ACADSB: variants seen among roughly 807,000 people sequenced by gnomAD.
ACADSB encodes the protein acyl-CoA dehydrogenase short/branched chain.
A neutral mutation model predicts 54.1 loss-of-function variants in ACADSB; 40 were observed. The observed-to-expected ratio is 0.74, with a 90% CI of 0.57 to 0.96. ACADSB has a LOEUF of 0.96. Ranked by LOEUF, ACADSB falls within the 40% of genes least tolerant of loss-of-function variation. ACADSB has a pLI of 0.00. For synonymous variants in ACADSB, 182 were observed against 182.8 expected, an observed-to-expected ratio of 1.00 and a Z score of 0.03; for missense variants, 530 against 510.4, an observed-to-expected ratio of 1.04 and a Z score of -0.37.
rs564396593 is a variant in ACADSB, at chr10:123,046,726, C to G, written c.901-483C>G. 7.2e-4 allele frequency among the ~76,000 whole-genome samples: 110 copies of G among 152,290 alleles called. No homozygotes were observed. The South Asian group carries it at 0.02, about 28-fold the overall frequency. On this transcript the variant is annotated intron_variant, in intron 7 of 10. Transcript: ENST00000358776. ...GTTCTAATGCCCTCCCATTGAAGCT[C>G]TCATTAATCCTAATCATATACAAAA...
intron 1 of ACADSB, among the ~76,000 whole-genome samples, chr10:123,027,959 C>T (rs1282306521): frequency 6.6e-6 from 1 of 152,166 alleles, no homozygotes; most frequent in Non-Finnish European, 1.5e-5. Context: ...CCCAGGAGCT[C>T]ATCTGATTAG....
rs375077887 is a variant in ACADSB at position 123,048,224 on chromosome 10, C to T, written c.990+926C>T. On this transcript the variant is annotated intron_variant, in intron 8 of 10. Coordinates refer to ENST00000358776, the MANE Select transcript of ACADSB (RefSeq NM_001609.4). The stretch of plus-strand genomic sequence containing the variant: ...TTTATAATAATGACTAGGCATCCTA[C>T]GAGCACACTCAGATTGCACATGTGT... 3.8e-4 allele frequency among the ~76,000 whole-genome samples: 58 copies of T among 152,294 alleles called. 1 individual carries two copies. In the South Asian group the frequency reaches 6.2e-3, roughly 16 times the overall value.
chr10:123,030,301 G>A (rs571919387), intron 1 of ACADSB, among the ~76,000 whole-genome samples: 32 of 152,198 alleles, frequency 2.1e-4, no homozygotes, highest in African/African-American at 6.7e-4. Context: ...CGAGATGGGC[G>A]GATCACTTGA....
chr10:123,043,246 A>G lies in ACADSB; in HGVS notation c.807+75A>G, dbSNP rs1850499809. On this transcript the variant is annotated intron_variant, in intron 6 of 10. Coordinates refer to ENST00000358776, the MANE Select transcript of ACADSB (RefSeq NM_001609.4). ...CATGGAACCACAGGAGGTGTGCAAGACAGGTGTCAAAATACTAAGTGGCTA... is the reference window on the plus strand; with the variant it reads ...CATGGAACCACAGGAGGTGTGCAAGGCAGGTGTCAAAATACTAAGTGGCTA... 4.4e-6 allele frequency: 7 copies of G among 1,581,070 alleles called. No individual in the cohort carries two copies. The South Asian group carries it at 7.8e-5, about 18-fold the overall frequency.
intron 10 of ACADSB, 148 bp from the exon 11 acceptor site, chr10:123,053,547 C>T (rs1589746816): frequency 1.3e-6 from 1 of 755,862 alleles, no homozygotes; most frequent in East Asian, 2.4e-5. Flanking sequence ...GTCAAAATTA[C>T]TGTGAAATAG....
At chr10:123,044,553 G>C (rs1589743081) in intron 7 of ACADSB, 68 bp downstream of exon 7, 1 of 1,253,490 alleles carries the variant, frequency 8.0e-7, no homozygotes, top group African/African-American at 1.5e-5. Context: ...AATGCAATGA[G>C]ACCAATGAAT....
chr10:123,011,948 T>G (rs886527202), intron 1 of ACADSB, among the ~76,000 whole-genome samples: 1 of 152,050 alleles, frequency 6.6e-6, no homozygotes, highest in Non-Finnish European at 1.5e-5. Flanking sequence ...AACTCCTGGC[T>G]CAAGTGATTC....
rs567728890 is a variant in ACADSB at position 123,032,462 on chromosome 10, TAGTTGACACA to T, written c.43-1893_43-1884del. Among the ~76,000 whole-genome samples the T allele has an allele frequency of 3.9e-5, 6 of 152,228 alleles. No homozygotes were observed. The South Asian group carries it at 1.2e-3, about 32-fold the overall frequency. ...TTCATGAGCATTTTGTGAAGAAGCC[TAGTTGACACA>T]TTCTTTCATTCATTCAAATATATAT... On this transcript the variant is annotated intron_variant, in intron 1 of 10. Coordinates refer to ENST00000358776, the MANE Select transcript of ACADSB (RefSeq NM_001609.4).
chr10:123,044,472 G>A lies in ACADSB; in HGVS notation c.887G>A (p.Gly296Glu). Residue 296 changes from glycine (G) to glutamate (E), a missense_variant, in exon 7 of 11, where the codon GGA becomes GAA. Physicochemically the swap from Gly to Glu is moderately conservative, Grantham distance 98 (BLOSUM62 -2). Transcript: ENST00000358776. ...GGGAGTCTCAATGAAGGTAGAATAG[G>A]AATTGCTGCACAGGTAAGTCAGATT... ...AIGSLNEGRI[G>E]IAAQMLGLAQ... 1.2e-6 allele frequency: 2 copies of A among 1,612,680 alleles called. No individual in the cohort carries two copies. Among genetic ancestry groups the A allele is most frequent in the Non-Finnish European group, 1.7e-6 (2 of 1,178,730 alleles).
intron 8 of ACADSB, among the ~76,000 whole-genome samples, chr10:123,047,808 C>G (rs772954916): frequency 1.3e-5 from 2 of 152,332 alleles, no homozygotes; most frequent in South Asian, 2.1e-4. Flanking sequence ...CTATTCAGAC[C>G]AGAACCATGT....
chr10:123,032,075 G>T (rs1850334852), intron 1 of ACADSB, among the ~76,000 whole-genome samples: 1 of 152,102 alleles, frequency 6.6e-6, no homozygotes, highest in South Asian at 2.1e-4. Flanking sequence ...TGCCGCTGGG[G>T]TTCAAGCAAT....
chr10:123,047,361 C>T lies in ACADSB; in HGVS notation c.990+63C>T, dbSNP rs766757523. The T allele has an allele frequency of 2.4e-5, 29 of 1,187,354 alleles. No homozygotes were observed. The African/African-American group carries it at 4.4e-4, about 18-fold the overall frequency. The allele number at this position is 1,187,354 out of a possible 1,614,324, so 73.6% of individuals were successfully genotyped here. A position where few individuals can be genotyped will look rare whatever the true frequency, so the allele number is the denominator to read the frequency against. ...TCCCCAGCTTCCTGTTAATGAAGGG[C>T]TGTGTTGAAATCCATGGAGGGAATC... On this transcript the variant is annotated intron_variant, in intron 8 of 10. Coordinates refer to ENST00000358776, the MANE Select transcript of ACADSB (RefSeq NM_001609.4).
At chr10:123,035,876 A>G (rs563506694) in intron 2 of ACADSB, among the ~76,000 whole-genome samples, 41 of 152,294 alleles carry the variant, frequency 2.7e-4, no homozygotes, top group African/African-American at 8.9e-4. Context: ...GTTTCACCAG[A>G]AAGAGCCCCA....
At chr10:123,037,108 G>C (rs535925962) in intron 2 of ACADSB, among the ~76,000 whole-genome samples, 13 of 152,330 alleles carry the variant, frequency 8.5e-5, no homozygotes, top group African/African-American at 2.9e-4. Context: ...CAACTTAGAA[G>C]TAGGGGACGC....
At chr10:123,013,537 G>T (rs1850068155) in intron 1 of ACADSB, among the ~76,000 whole-genome samples, 1 of 152,262 alleles carries the variant, frequency 6.6e-6, no homozygotes, top group South Asian at 2.1e-4. Flanking sequence ...ATGGGACTGG[G>T]TGCAGTGGAG....
At chr10:123,017,606 C>T (rs1331668931) in intron 1 of ACADSB, among the ~76,000 whole-genome samples, 1 of 152,242 alleles carries the variant, frequency 6.6e-6, no homozygotes. Context: ...GTGTGAGCCA[C>T]CTCACCGGGT....
chr10:123,034,998 G>A (rs1472172118), intron 2 of ACADSB, among the ~76,000 whole-genome samples: 1 of 150,232 alleles, frequency 6.7e-6, no homozygotes, highest in East Asian at 2.0e-4. Flanking sequence ...CACCCAGGCT[G>A]GAGTGCAGTG....
chr10:123,049,006 G>A lies in ACADSB; in HGVS notation c.990+1708G>A, dbSNP rs533413105. Among the ~76,000 whole-genome samples the A allele has an allele frequency of 2.0e-5, 3 of 152,274 alleles. No homozygotes were observed. In the East Asian group the frequency reaches 5.8e-4, roughly 30 times the overall value. ...GCTGGGATTACAGGCGTGAGCCACT[G>A]CGCCCAGCCTAATTTATTTTTTAAA... On this transcript the variant is annotated intron_variant, in intron 8 of 10. Coordinates refer to ENST00000358776, the MANE Select transcript of ACADSB (RefSeq NM_001609.4).
At chr10:123,041,980 T>TC (rs1470917394) in intron 5 of ACADSB, among the ~76,000 whole-genome samples, 1 of 150,888 alleles carries the variant, frequency 6.6e-6, no homozygotes, top group African/African-American at 2.4e-5. Context: ...TTTTTTTTTT[T>TC]TTTAATATGG....
Sources: allele counts gnomAD v4.1 joint callset (sites outside exome capture counted in the v4.1 genomes callset), GRCh38; gene constraint gnomAD v4.1.1; transcripts MANE v1.5; gene names NCBI Gene and HGNC (gene_info 2026-07-23, HGNC 2026-07-21).